The following IRAK1BP1 variants were observed in gnomAD, a reference collection of about 807,000 sequenced individuals.
The protein encoded by IRAK1BP1 is interleukin 1 receptor associated kinase 1 binding protein 1.
IRAK1BP1 carries 24 observed loss-of-function variants against 28.0 expected under a neutral mutation model. That is an observed-to-expected ratio of 0.86 (90% confidence interval 0.62 to 1.20). The LOEUF is 1.20. Ranked by LOEUF, IRAK1BP1 falls within the 50% of genes most tolerant of loss-of-function variation. The pLI is 0.00. For synonymous variants in IRAK1BP1, 131 were observed against 116.3 expected (o/e 1.13, Z -0.81); for missense variants, 336 against 316.7 (o/e 1.06, Z -0.46).
chr6:78,867,936 A>C (rs1770644243), intron 1 of IRAK1BP1, 45 bp downstream of exon 1: 3 of 1,489,446 alleles, frequency 2.0e-6, no homozygotes, highest in Non-Finnish European at 2.7e-6. Context: ...AAGACACAAA[A>C]GGGTTGGCAG....
intron 1 of IRAK1BP1, among the ~76,000 whole-genome samples, chr6:78,879,698 CA>C (rs1000250390): frequency 1.3e-5 from 2 of 152,176 alleles, no homozygotes; most frequent in African/African-American, 4.8e-5. Context: ...CTGGATGGAA[CA>C]AACCTTACTT....
chr6:78,928,374 A>G (rs1772947731), intron 4 of IRAK1BP1, among the ~76,000 whole-genome samples: 1 of 152,106 alleles, frequency 6.6e-6, no homozygotes, highest in African/African-American at 2.4e-5. Context: ...GTATCCTGCA[A>G]CTTTACTGAC....
At chr6:78,970,122 T>A in the IRAK1BP1 span, 9 of 1,612,078 alleles carry the variant, frequency 5.6e-6, no homozygotes, top group Admixed American at 1.3e-4. Flanking sequence ...CAGCAAAGGG[T>A]AGGTAATCCC....
intron 4 of IRAK1BP1, chr6:78,941,421 T>C (rs952033017): frequency 8.9e-6 from 7 of 784,466 alleles, no homozygotes; most frequent in African/African-American, 8.7e-5. Context: ...GGTATACTTA[T>C]ATGTAATGAC....
chr6:78,927,359 A>G (rs916676463), intron 4 of IRAK1BP1, among the ~76,000 whole-genome samples: 1 of 152,118 alleles, frequency 6.6e-6, no homozygotes, highest in Admixed American at 6.5e-5. Context: ...AGAAATGTCT[A>G]TTCAAATCTT....
the IRAK1BP1 span, chr6:78,957,397 A>T: frequency 6.6e-6 from 1 of 151,872 alleles, no homozygotes; most frequent in African/African-American, 2.4e-5. Context: ...TAGCCCCCAA[A>T]CCATTGGAAA....
At chr6:78,945,969 A>G (rs1773789373) in exon 5 of IRAK1BP1, 2 of 1,502,228 alleles carry the variant, frequency 1.3e-6, no homozygotes, top group Non-Finnish European at 1.8e-6. Context: ...GAAAATCATC[A>G]TATACATTTC....
At chr6:78,938,468 C>G (rs1250508351) in intron 4 of IRAK1BP1, 1 of 151,486 alleles carries the variant, frequency 6.6e-6, no homozygotes, top group Non-Finnish European at 1.5e-5. Context: ...ATTTTATAGC[C>G]TATTATTTTT....
downstream of IRAK1BP1, among the ~76,000 whole-genome samples, chr6:78,950,687 T>C (rs1311265632): frequency 1.3e-5 from 2 of 152,160 alleles, no homozygotes; most frequent in African/African-American, 4.8e-5. Flanking sequence ...TCTACAGTGA[T>C]ATGCTCTATA....
At chr6:78,978,584 T>C in the IRAK1BP1 span, 2 of 1,569,516 alleles carry the variant, frequency 1.3e-6, no homozygotes, top group East Asian at 2.3e-5. Flanking sequence ...TTAAAACTTT[T>C]AAAGTACCTC....
At chr6:78,884,060 A>G (rs780851612) in intron 1 of IRAK1BP1, among the ~76,000 whole-genome samples, 1 of 152,182 alleles carries the variant, frequency 6.6e-6, no homozygotes, top group Non-Finnish European at 1.5e-5. Flanking sequence ...CTTAACCTGT[A>G]TTCTAAATTT....
the IRAK1BP1 span, chr6:78,961,805 C>A: frequency 5.5e-5 from 88 of 1,606,586 alleles, no homozygotes; most frequent in Middle Eastern, 8.3e-4. Flanking sequence ...AATGCTGAGG[C>A]AATATCTAAA....
rs1188432231 is a variant in IRAK1BP1 at position 78,867,789 on chromosome 6, G to A, written c.213G>A (p.Val71=). Residue 71 remains valine (V), a synonymous_variant, in exon 1 of 4, where the codon GTG becomes GTA. Coordinates refer to ENST00000369940, the MANE Select transcript of IRAK1BP1 (RefSeq NM_001010844.4). The stretch of plus-strand genomic sequence containing the variant: ...CGGGCCCTGACCGGGCGCAGGTGGT[G>A]GTGCGAGTGAGCAGCACCAAGGAGG... ...VSAGPDRAQV[V]VRVSSTKEAA... is the part of the protein sequence containing the mutation. 1.9e-6 allele frequency: 3 copies of A among 1,613,830 alleles called. No homozygotes were observed. Among genetic ancestry groups the A allele is most frequent in the Non-Finnish European group, 2.5e-6 (3 of 1,179,900 alleles).
In IRAK1BP1 at chr6:78,901,422, A is replaced by G. The variant is rs1772093522; in HGVS notation, c.*3088A>G. ...TTTAATTTCTTGATACATGGCATAC[A>G]CTGGAATCTTATGATGAATTATTTA... On this transcript the variant is annotated 3_prime_UTR_variant, in exon 4 of 4. Coordinates refer to ENST00000369940, the MANE Select transcript of IRAK1BP1 (RefSeq NM_001010844.4). 6.6e-6 allele frequency: 1 copy of G among 152,112 alleles called. No homozygotes were observed. 9.4% of individuals were successfully genotyped at this position (152,112 alleles called of 1,614,324 possible).
At chr6:78,918,864 A>G (rs1772642659) in intron 4 of IRAK1BP1, among the ~76,000 whole-genome samples, 1 of 152,202 alleles carries the variant, frequency 6.6e-6, no homozygotes, top group South Asian at 2.1e-4. Flanking sequence ...TGTAATAGGC[A>G]CTACAGAATA....
chr6:78,964,946 A>G, the IRAK1BP1 span, among the ~76,000 whole-genome samples: 1 of 152,106 alleles, frequency 6.6e-6, no homozygotes, highest in Admixed American at 6.6e-5. Flanking sequence ...TGTGTGTTGT[A>G]TTTTTTACAA....
chr6:78,975,775 T>C, the IRAK1BP1 span, among the ~76,000 whole-genome samples: 1 of 151,684 alleles, frequency 6.6e-6, no homozygotes, highest in Non-Finnish European at 1.5e-5. Flanking sequence ...CCATTCACAA[T>C]TGCTTCAAAG....
chr6:78,886,168 C>T (rs980586139), intron 2 of IRAK1BP1, among the ~76,000 whole-genome samples: 7 of 152,184 alleles, frequency 4.6e-5, no homozygotes, highest in Non-Finnish European at 1.0e-4. Context: ...AAAGTATCTC[C>T]ATCACCCGTT....
chr6:78,922,277 G>A (rs1772756750), intron 4 of IRAK1BP1, among the ~76,000 whole-genome samples: 1 of 152,180 alleles, frequency 6.6e-6, no homozygotes, highest in African/African-American at 2.4e-5. Flanking sequence ...CATGACAAAT[G>A]CACAAGCCTC....
Sources: allele counts gnomAD v4.1 joint callset (sites outside exome capture counted in the v4.1 genomes callset), GRCh38; gene constraint gnomAD v4.1.1; transcripts MANE v1.5; gene names NCBI Gene and HGNC (gene_info 2026-07-23, HGNC 2026-07-21).